JAK1: variants seen among roughly 807,000 people sequenced by gnomAD.
The protein encoded by JAK1 is Janus kinase 1.
Under a neutral mutation model 136.6 loss-of-function variants are expected in JAK1, and 16 were observed. The observed-to-expected ratio is 0.12, with a 90% confidence interval of 0.08 to 0.18. JAK1 has a LOEUF of 0.18. Among genes scored for constraint, JAK1 ranks in the 10% least tolerant of loss-of-function variants. The pLI, the probability that JAK1 is intolerant of heterozygous loss-of-function variation, is 1.00. For missense variants in JAK1, 859 were observed against 1,450.1 expected (o/e 0.59, Z 6.62); for synonymous variants, 492 against 519.5 (o/e 0.95, Z 0.72).
At chr1:64,979,452 T>C (rs1247634276) in intron 2 of JAK1, 2 of 152,202 alleles carry the variant, frequency 1.3e-5, no homozygotes, top group African/African-American at 2.4e-5. Context: ...ATGTGACTTC[T>C]TCCCAAGTTC....
At chr1:64,898,834 G>A (rs1311165961) in intron 1 of JAK1, among the ~76,000 whole-genome samples, 15 of 152,168 alleles carry the variant, frequency 9.9e-5, no homozygotes, top group Admixed American at 9.8e-4. Flanking sequence ...AACTGTGCTT[G>A]TTCAGTGCAT....
chr1:64,932,152 C>T (rs929353506), intron 1 of JAK1, among the ~76,000 whole-genome samples: 1 of 149,202 alleles, frequency 6.7e-6, no homozygotes, highest in South Asian at 2.1e-4. Context: ...TGGTTGCTCA[C>T]GCCTGTAATC....
chr1:65,060,284 A>G (rs909324292), intron 1 of JAK1, among the ~76,000 whole-genome samples: 3 of 152,314 alleles, frequency 2.0e-5, no homozygotes, highest in South Asian at 2.1e-4. Flanking sequence ...ACGAAAAAGG[A>G]TAAGATTATC....
At chr1:64,867,490 C>T (rs1167686596) in intron 6 of JAK1, among the ~76,000 whole-genome samples, 1 of 152,236 alleles carries the variant, frequency 6.6e-6, no homozygotes, top group African/African-American at 2.4e-5. Flanking sequence ...GGCAGGGCAT[C>T]TACATTTTTG....
chr1:65,059,144 GA>G (rs34865486), intron 1 of JAK1, among the ~76,000 whole-genome samples: 96,887 of 137,626 alleles, frequency 0.7, 33,061 homozygotes, highest in South Asian at 0.76. Context: ...TTTATAGGCA[GA>G]AAAAAAAAAA....
chr1:64,931,520 G>A (rs1645692124), intron 1 of JAK1, among the ~76,000 whole-genome samples: 1 of 151,846 alleles, frequency 6.6e-6, no homozygotes, highest in African/African-American at 2.4e-5. Context: ...CCAGCATGGT[G>A]GGTGTCCTAC....
At chr1:64,927,103 G>A (rs1645596035) in intron 1 of JAK1, among the ~76,000 whole-genome samples, 1 of 152,058 alleles carries the variant, frequency 6.6e-6, no homozygotes, top group Non-Finnish European at 1.5e-5. Context: ...CTCTCTGCAG[G>A]CCAGGTCCTC....
chr1:64,864,373 C>T (rs1447998294), intron 8 of JAK1, among the ~76,000 whole-genome samples: 2 of 152,244 alleles, frequency 1.3e-5, no homozygotes, highest in Non-Finnish European at 2.9e-5. Flanking sequence ...TCGATGACTG[C>T]CACTGTGGCC....
rs766501924 is a variant in JAK1, at chr1:64,857,669, A to T, written c.1445T>A (p.Phe482Tyr). The T allele has an allele frequency of 3.7e-6, 6 of 1,614,010 alleles. No homozygotes were observed. Among genetic ancestry groups the T allele is most frequent in the Non-Finnish European group, 5.1e-6 (6 of 1,180,026 alleles). The change falls in exon 10 of 25, where the codon TTT (phenylalanine) becomes TAT (tyrosine). Residue 482 changes from phenylalanine to tyrosine, a missense_variant. Phe to Tyr is a conservative substitution (Grantham distance 22, BLOSUM62 3). Coordinates refer to ENST00000342505, the MANE Select transcript of JAK1 (RefSeq NM_002227.4). The stretch of plus-strand genomic sequence containing the variant: ...GTCCTGACTGACCTCAGACTTCTCA[A>T]AGCAGGTGACGGTCATGAGGATGTT... ...FDNILMTVTC[F>Y]EKSEQVQGAQ...
intron 1 of JAK1, among the ~76,000 whole-genome samples, chr1:64,894,028 G>A (rs933146679): frequency 6.6e-6 from 1 of 152,162 alleles, no homozygotes; most frequent in Non-Finnish European, 1.5e-5. Context: ...TATCCACTCA[G>A]TGTTCTTGGG....
At chr1:65,000,948 G>A (rs868046731) in intron 2 of JAK1, among the ~76,000 whole-genome samples, 17 of 151,702 alleles carry the variant, frequency 1.1e-4, no homozygotes, top group Middle Eastern at 3.4e-3. Flanking sequence ...GTGGCGCCAT[G>A]GAAGTTTTTG....
intron 2 of JAK1, among the ~76,000 whole-genome samples, chr1:65,028,378 A>AT (rs1646995367): frequency 1.3e-5 from 2 of 151,108 alleles, no homozygotes; most frequent in Non-Finnish European, 2.9e-5. Context: ...AAGTCAGGAG[A>AT]TTTTGTCTGC....
intron 1 of JAK1, among the ~76,000 whole-genome samples, chr1:65,045,782 TGA>T (rs2100845797): frequency 6.6e-6 from 1 of 152,310 alleles, no homozygotes; most frequent in South Asian, 2.1e-4. Flanking sequence ...TGCAAGTTTT[TGA>T]GAGAGAATGA....
chr1:64,946,178 T>C lies in JAK1; in HGVS notation c.-78+20155A>G, dbSNP rs1645982779. On this transcript the variant is annotated intron_variant, in intron 1 of 24. Coordinates refer to ENST00000342505, the MANE Select transcript of JAK1 (RefSeq NM_002227.4). The stretch of plus-strand genomic sequence containing the variant: ...TAAGAGGGAGATCTACCACCCACAG[T>C]AGGAGGAGCATCAGAGCTGAACAAT... Among the ~76,000 whole-genome samples the C allele has an allele frequency of 3.3e-5, 5 of 152,200 alleles. No homozygotes were observed. In the South Asian group the frequency reaches 1.0e-3, roughly 32 times the overall value.
intron 2 of JAK1, among the ~76,000 whole-genome samples, chr1:65,011,795 G>A (rs968866137): frequency 4.6e-5 from 7 of 152,174 alleles, no homozygotes; most frequent in Non-Finnish European, 7.3e-5. Context: ...GTGGAGTTAG[G>A]AAAACTAGGT....
intron 1 of JAK1, among the ~76,000 whole-genome samples, chr1:64,925,172 G>A (rs1049369946): frequency 4.0e-5 from 6 of 151,802 alleles, no homozygotes; most frequent in Non-Finnish European, 5.9e-5. Flanking sequence ...TGAGGCGGGC[G>A]GATCACCTGA....
intron 1 of JAK1, among the ~76,000 whole-genome samples, chr1:64,941,164 T>A (rs1301986355): frequency 6.6e-6 from 1 of 152,064 alleles, no homozygotes; most frequent in Admixed American, 6.6e-5. Context: ...AACTCAAAAA[T>A]AATAATAATA....
At chr1:64,903,130 G>A (rs748114945) in intron 1 of JAK1, among the ~76,000 whole-genome samples, 5 of 152,132 alleles carry the variant, frequency 3.3e-5, no homozygotes, top group Non-Finnish European at 5.9e-5. Context: ...AGGTTCAAGC[G>A]ATTCTCCTGC....
At chr1:65,064,981 T>C (rs916087124) in intron 1 of JAK1, among the ~76,000 whole-genome samples, 1 of 152,198 alleles carries the variant, frequency 6.6e-6, no homozygotes, top group African/African-American at 2.4e-5. Flanking sequence ...AAATACACGG[T>C]AAGTATCCCC....
Sources: allele counts gnomAD v4.1 joint callset (sites outside exome capture counted in the v4.1 genomes callset), GRCh38; gene constraint gnomAD v4.1.1; transcripts MANE v1.5; gene names NCBI Gene and HGNC (gene_info 2026-07-23, HGNC 2026-07-21).